Variants in KCNH8 observed in about 807,000 individuals in gnomAD.
The protein encoded by KCNH8 is voltage-gated delayed rectifier potassium channel KCNH8.
Under a neutral mutation model 103.6 loss-of-function variants are expected in KCNH8, and 70 were observed. The ratio of observed to expected loss-of-function variants is 0.68; its 90% confidence interval spans 0.56 to 0.82. The LOEUF is 0.82. Among genes scored for constraint, KCNH8 ranks in the 40% least tolerant of loss-of-function variants. The probability of loss-of-function intolerance (pLI) is 0.00; values close to 1 mark genes in which losing one functional copy is unlikely to be tolerated. For missense variants in KCNH8, 1,217 were observed against 1,329.9 expected (o/e 0.92, Z 1.32); for synonymous variants, 498 against 489.4 (o/e 1.02, Z -0.23).
At chr3:19,314,190 TTTAAG>T (rs1254398986) in intron 3 of KCNH8, among the ~76,000 whole-genome samples, 2 of 151,996 alleles carry the variant, frequency 1.3e-5, no homozygotes, top group African/African-American at 4.8e-5. Context: ...TGTTCTATAA[TTTAAG>T]TTTAGAAAAT....
At chr3:19,327,078 G>A (rs1032018702) in intron 3 of KCNH8, among the ~76,000 whole-genome samples, 1 of 152,076 alleles carries the variant, frequency 6.6e-6, no homozygotes, top group Admixed American at 6.6e-5. Flanking sequence ...TGAGCTTTGA[G>A]ACTTTACATA....
intron 1 of KCNH8, among the ~76,000 whole-genome samples, chr3:19,160,201 A>G (rs2063220499): frequency 6.6e-6 from 1 of 152,124 alleles, no homozygotes; most frequent in Non-Finnish European, 1.5e-5. Context: ...AAAACCAGTA[A>G]CCGATTTAAG....
intron 1 of KCNH8, among the ~76,000 whole-genome samples, chr3:19,249,497 T>A (rs180924032): frequency 2.0e-5 from 3 of 152,308 alleles, no homozygotes; most frequent in African/African-American, 7.2e-5. Context: ...CAGAAAGAAT[T>A]AACCACCTCA....
chr3:19,389,402 T>A (rs759702286), intron 5 of KCNH8, among the ~76,000 whole-genome samples: 24 of 152,084 alleles, frequency 1.6e-4, no homozygotes, highest in Non-Finnish European at 3.1e-4. Context: ...CGATAATATA[T>A]AACTAAATAA....
chr3:19,511,158 C>G (rs113428679), intron 12 of KCNH8, among the ~76,000 whole-genome samples: 20,327 of 150,364 alleles, frequency 0.14, 1,726 homozygotes, highest in Middle Eastern at 0.26. Flanking sequence ...CCCCACCCCC[C>G]ACAGGCACCA....
At chr3:19,399,111 G>T (rs2125137190) in intron 7 of KCNH8, among the ~76,000 whole-genome samples, 2 of 152,012 alleles carry the variant, frequency 1.3e-5, no homozygotes, top group African/African-American at 2.4e-5. Context: ...ACCTTGTTAG[G>T]ATATATCAAA....
chr3:19,492,619 T>C (rs1019626052), intron 11 of KCNH8, among the ~76,000 whole-genome samples: 63 of 152,288 alleles, frequency 4.1e-4, no homozygotes, highest in African/African-American at 1.4e-3. Context: ...GCCTCCAGCT[T>C]CATTTTTGTT....
At chr3:19,441,248 T>C (rs2067280130) in intron 8 of KCNH8, among the ~76,000 whole-genome samples, 1 of 152,214 alleles carries the variant, frequency 6.6e-6, no homozygotes, top group Admixed American at 6.5e-5. Flanking sequence ...TCTGTGTTTC[T>C]ATGTTCTGAT....
intron 3 of KCNH8, among the ~76,000 whole-genome samples, chr3:19,291,867 C>A (rs2064932531): frequency 6.6e-6 from 1 of 152,152 alleles, no homozygotes; most frequent in South Asian, 2.1e-4. Flanking sequence ...TTGAAACCGG[C>A]ATAGGGCTTC....
intron 2 of KCNH8, among the ~76,000 whole-genome samples, chr3:19,278,004 G>C (rs988344595): frequency 2.6e-5 from 4 of 152,118 alleles, no homozygotes; most frequent in Admixed American, 2.0e-4. Context: ...CCCTAAGAGA[G>C]ATTTGTTGCA....
chr3:19,284,279 T>A (rs1268945178), intron 3 of KCNH8, among the ~76,000 whole-genome samples: 1 of 152,174 alleles, frequency 6.6e-6, no homozygotes. Flanking sequence ...CATGATGGGC[T>A]TCATTTAAGA....
At chr3:19,274,308 G>T (rs1403572886) in intron 2 of KCNH8, among the ~76,000 whole-genome samples, 1 of 152,096 alleles carries the variant, frequency 6.6e-6, no homozygotes, top group Non-Finnish European at 1.5e-5. Context: ...AAGACGTGTT[G>T]TACAATGTTA....
In KCNH8 at chr3:19,407,849, A is replaced by G. The variant is rs562318678; in HGVS notation, c.1177+12538A>G. ...TTGAGCTTCAGCTGCCCCTATTACC[A>G]TGCAGAGATCTTGAAGCCAAGGTTT... On this transcript the variant is annotated intron_variant, in intron 7 of 15. Transcript: ENST00000328405. Among the ~76,000 whole-genome samples the G allele has an allele frequency of 3.3e-5, 5 of 152,204 alleles. No individual in the cohort carries two copies. In the East Asian group the frequency reaches 9.7e-4, roughly 30 times the overall value.
intron 15 of KCNH8, among the ~76,000 whole-genome samples, chr3:19,531,423 T>C (rs1408193925): frequency 6.6e-6 from 1 of 152,178 alleles, no homozygotes; most frequent in Non-Finnish European, 1.5e-5. Context: ...CATATTGAAT[T>C]TTTCTCATAT....
chr3:19,149,099 T>C (rs1183187200), intron 1 of KCNH8, among the ~76,000 whole-genome samples: 2 of 152,080 alleles, frequency 1.3e-5, no homozygotes, highest in Non-Finnish European at 2.9e-5. Context: ...CTTTAGGGAA[T>C]TGGTTGTAAT....
chr3:19,452,659 G>A (rs535702855), intron 10 of KCNH8, among the ~76,000 whole-genome samples: 4 of 152,200 alleles, frequency 2.6e-5, no homozygotes, highest in African/African-American at 9.6e-5. Flanking sequence ...TAATAAAAGG[G>A]GGTGAATTCA....
Position 19,342,617 on chromosome 3 carries a change from C to A in KCNH8, c.473C>A (p.Thr158Asn). 1.2e-6 allele frequency: 2 copies of A among 1,610,712 alleles called. No individual in the cohort carries two copies. The highest frequency in any genetic ancestry group is 2.2e-5 in the South Asian group (2 of 91,028). ...DKVKGRSRAG[T>N]HFDSARRRSR... ...GTCAAAGGAAGATCAAGAGCAGGGA[C>A]CCACTTTGACTCAGCCCGGAGACGG... Residue 158 changes from threonine to asparagine, a missense_variant, in exon 4 of 16, where the codon ACC becomes AAC. Around this residue, in one of 3 missense-constraint regions of KCNH8, gnomAD observed 244 missense variants for 256.8 expected, o/e 0.95. Transcript: ENST00000328405.
intron 5 of KCNH8, among the ~76,000 whole-genome samples, chr3:19,382,470 C>T (rs560076718): frequency 2.6e-5 from 4 of 152,282 alleles, no homozygotes; most frequent in African/African-American, 9.6e-5. Context: ...AACAATTCCT[C>T]TCACAAAGTA....
chr3:19,480,220 T>A (rs559573595), intron 11 of KCNH8, among the ~76,000 whole-genome samples: 21 of 152,330 alleles, frequency 1.4e-4, no homozygotes, highest in African/African-American at 5.0e-4. Flanking sequence ...CGATGTTTGC[T>A]TCTTTCCTGC....
Sources: gnomAD v4.1 joint callset for allele counts (sites outside exome capture counted in the v4.1 genomes callset) on GRCh38, gnomAD v4.1.1 for gene constraint, gnomAD v4.1.1 regional missense constraint, MANE v1.5 for transcripts, NCBI Gene and HGNC (gene_info 2026-07-23, HGNC 2026-07-21) for gene names.